PDE8B: variants seen among roughly 807,000 people sequenced by gnomAD.
PDE8B encodes the protein high affinity cAMP-specific and IBMX-insensitive 3',5'-cyclic phosphodiesterase 8B.
Under a neutral mutation model 101.3 loss-of-function variants are expected in PDE8B, and 26 were observed. The observed-to-expected ratio is 0.26, with a 90% CI of 0.19 to 0.36. PDE8B has a LOEUF of 0.36. PDE8B is among the 10% of genes least tolerant of loss of function. PDE8B has a pLI of 1.00. For synonymous variants in PDE8B, 424 were observed against 429.3 expected (o/e 0.99, Z 0.15); for missense variants, 810 against 1,163.1 (o/e 0.70, Z 4.42).
chr5:77,280,563 T>C (rs1292109743), intron 1 of PDE8B, among the ~76,000 whole-genome samples: 2 of 152,222 alleles, frequency 1.3e-5, no homozygotes, highest in Non-Finnish European at 2.9e-5. Flanking sequence ...TAAGCACTTA[T>C]TGTCAGTTTT....
At chr5:77,417,284 C>T (rs1795779356) in intron 17 of PDE8B, among the ~76,000 whole-genome samples, 1 of 152,132 alleles carries the variant, frequency 6.6e-6, no homozygotes, top group Non-Finnish European at 1.5e-5. Context: ...TAAACTAGAC[C>T]AGGTCCCATG....
chr5:77,124,282 G>T, the PDE8B span, among the ~76,000 whole-genome samples: 2 of 152,088 alleles, frequency 1.3e-5, no homozygotes, highest in Non-Finnish European at 2.9e-5. Context: ...AGACAAGAAG[G>T]TTAATATAGC....
chr5:77,114,841 A>G, the PDE8B span: 21 of 152,254 alleles, frequency 1.4e-4, no homozygotes, highest in African/African-American at 3.1e-4. Context: ...ATAACCAACA[A>G]TGGTACCATT....
At chr5:77,231,061 G>A (rs149058699) in intron 1 of PDE8B, among the ~76,000 whole-genome samples, 1 of 152,308 alleles carries the variant, frequency 6.6e-6, no homozygotes, top group African/African-American at 2.4e-5. Flanking sequence ...ATTAAATGTG[G>A]GCCAGGTTTC....
rs1474865451 is a variant in PDE8B at position 77,421,934 on chromosome 5, C to G, written c.2364C>G (p.Pro788=). 3.7e-6 allele frequency: 6 copies of G among 1,614,078 alleles called. No individual in the cohort carries two copies. The Admixed American group carries it at 5.0e-5, about 13-fold the overall frequency. Residue 788 remains proline (P), a synonymous_variant, in exon 20 of 22, where the codon CCC becomes CCG. Transcript: ENST00000264917. The stretch of plus-strand genomic sequence containing the variant: ...CTGACGTGGCCAACCCATGCCGCCC[C>G]TTGGACCTGTGCATTGAATGGGCTG... ...KCADVANPCR[P]LDLCIEWAGR...
chr5:77,339,796 C>T (rs796135787), intron 6 of PDE8B, among the ~76,000 whole-genome samples: 1 of 152,110 alleles, frequency 6.6e-6, no homozygotes, highest in South Asian at 2.1e-4. Flanking sequence ...AAGGTAGACA[C>T]CTCTGCCTAG....
chr5:77,111,670 T>C, the PDE8B span, among the ~76,000 whole-genome samples: 1 of 152,220 alleles, frequency 6.6e-6, no homozygotes, highest in African/African-American at 2.4e-5. Context: ...TGAGGTAGAA[T>C]TTTTCTGATA....
the PDE8B span, among the ~76,000 whole-genome samples, chr5:77,205,372 G>A: frequency 6.6e-6 from 1 of 152,158 alleles, no homozygotes; most frequent in African/African-American, 2.4e-5. Flanking sequence ...AGCTGTCTCC[G>A]TAAACTCACT....
At chr5:77,343,483 A>G (rs1197752143) in intron 6 of PDE8B, among the ~76,000 whole-genome samples, 3 of 152,254 alleles carry the variant, frequency 2.0e-5, no homozygotes, top group Admixed American at 2.0e-4. Flanking sequence ...AGAAAGGCAC[A>G]GTAAAAATGC....
rs1193583110 is a variant in PDE8B at position 77,337,083 on chromosome 5, G to A, written c.709-144G>A. 15 of 646,856 alleles carry A rather than the reference G, an allele frequency of 2.3e-5. No individual in the cohort carries two copies. The Admixed American group carries it at 2.7e-4, about 12-fold the overall frequency. The allele number at this position is 646,856 out of a possible 1,614,324, so 40.1% of individuals were successfully genotyped here. ...TTTAAACAAGCACTTTGAACACCTT[G>A]ACAGCTGTTTCATCTCATCTTACCT... On this transcript the variant is annotated intron_variant, in intron 5 of 21. Transcript: ENST00000264917.
Position 77,358,622 on chromosome 5 carries a change from G to A in PDE8B, c.1167+5216G>A, listed in dbSNP as rs552120629. Among the ~76,000 whole-genome samples, 5 of 152,324 alleles carry A rather than the reference G, an allele frequency of 3.3e-5. No individual in the cohort carries two copies. In the South Asian group the frequency reaches 6.2e-4, roughly 19 times the overall value. ...AAAGATGCAACTTCTGTCTTATCCC[G>A]AATTCTTATTCCATGTAGAGTTGAT... On this transcript the variant is annotated intron_variant, in intron 10 of 21. Transcript: ENST00000264917.
the PDE8B span, among the ~76,000 whole-genome samples, chr5:77,109,347 G>A: frequency 6.6e-6 from 1 of 152,222 alleles, no homozygotes; most frequent in African/African-American, 2.4e-5. Context: ...CAAAGAAGAG[G>A]CTCTGGAAAC....
chr5:77,387,120 T>C (rs1487083366), intron 10 of PDE8B, among the ~76,000 whole-genome samples: 1 of 151,892 alleles, frequency 6.6e-6, no homozygotes, highest in Non-Finnish European at 1.5e-5. Flanking sequence ...CCTGACCTCA[T>C]GATCCACCCG....
rs1554093056 is a variant in PDE8B at position 77,378,049 on chromosome 5, C to CACAT, written c.1168-22199_1168-22198insACAT. ...ACACACACACACACACACACACACA[C>CACAT]CCCCTGTTGGTTCTTTGTCTAGAGA... is the stretch of plus-strand genomic sequence containing the variant. On this transcript the variant is annotated intron_variant, in intron 10 of 21. Transcript: ENST00000264917. 1.4e-3 allele frequency among the ~76,000 whole-genome samples: 209 copies of CACAT among 148,484 alleles called. 3 individuals are homozygous for CACAT. Among genetic ancestry groups the CACAT allele is most frequent in the African/African-American group, 5.1e-3 (201 of 39,748 alleles).
intron 2 of PDE8B, among the ~76,000 whole-genome samples, chr5:77,318,576 G>A (rs907108318): frequency 2.7e-4 from 41 of 152,188 alleles, no homozygotes; most frequent in Non-Finnish European, 1.5e-5. Flanking sequence ...GGGTTATTGA[G>A]TGAGACAGTA....
intron 1 of PDE8B, among the ~76,000 whole-genome samples, chr5:77,231,496 G>T (rs899769323): frequency 1.3e-5 from 2 of 152,186 alleles, no homozygotes; most frequent in Non-Finnish European, 2.9e-5. Flanking sequence ...AATCACCTTC[G>T]TTTCTGTCTT....
In PDE8B at chr5:77,427,874, TAAAC is replaced by T. The variant is rs574165539; in HGVS notation, c.*1326_*1329del. Reference sequence around the variant, plus strand: ...CTTCATGCTGCATTTTTAAAAGGTATAAACAAACAGAGACTGAATTAATTGAATC... The same window carrying T: ...CTTCATGCTGCATTTTTAAAAGGTATAAACAGAGACTGAATTAATTGAATC... On this transcript the variant is annotated 3_prime_UTR_variant, in exon 22 of 22. Coordinates refer to ENST00000264917, the MANE Select transcript of PDE8B (RefSeq NM_003719.5). 1.3e-3 allele frequency: 196 copies of T among 152,324 alleles called. 2 individuals carry two copies. The highest frequency in any genetic ancestry group is 4.1e-3 in the African/African-American group (169 of 41,582). The allele number at this position is 152,324 out of a possible 1,614,324, so 9.4% of individuals were successfully genotyped here. A position where few individuals can be genotyped will look rare whatever the true frequency, so the allele number is the denominator to read the frequency against.
chr5:77,364,004 G>C (rs377742216), intron 10 of PDE8B, among the ~76,000 whole-genome samples: 1 of 152,296 alleles, frequency 6.6e-6, no homozygotes, highest in East Asian at 1.9e-4. Flanking sequence ...GCCTGTTTAC[G>C]TGATGTGCCA....
At chr5:77,119,869 G>C in the PDE8B span, among the ~76,000 whole-genome samples, 7 of 151,964 alleles carry the variant, frequency 4.6e-5, 1 homozygote, top group Admixed American at 3.9e-4. Context: ...CATTAGCCAG[G>C]CATGGTGGCA....
Sources: allele counts gnomAD v4.1 joint callset (sites outside exome capture counted in the v4.1 genomes callset), GRCh38; gene constraint gnomAD v4.1.1; transcripts MANE v1.5; gene names NCBI Gene and HGNC (gene_info 2026-07-23, HGNC 2026-07-21).